Variants in PCBP3 observed in about 807,000 individuals in gnomAD.
PCBP3 encodes poly(rC)-binding protein 3.
A neutral mutation model predicts 52.7 loss-of-function variants in PCBP3; 25 were observed. The ratio of observed to expected loss-of-function variants is 0.47; its 90% CI spans 0.35 to 0.66. The LOEUF (loss-of-function observed/expected upper bound fraction) is 0.66. Among genes scored for constraint, PCBP3 ranks in the 30% least tolerant of loss-of-function variants. The pLI, the probability that PCBP3 is intolerant of heterozygous loss-of-function variation, is 0.01. For missense variants in PCBP3, 391 were observed against 490.3 expected (o/e 0.80, Z 1.91); for synonymous variants, 162 against 183.0 (o/e 0.89, Z 0.93).
intron 4 of PCBP3, among the ~76,000 whole-genome samples, chr21:45,793,692 G>T (rs945630652): frequency 3.9e-5 from 6 of 152,180 alleles, no homozygotes; most frequent in Non-Finnish European, 8.8e-5. Context: ...GACGGGAGGC[G>T]ATAGCCCCTG....
At chr21:45,854,402 C>T (rs1241457361) in intron 5 of PCBP3, among the ~76,000 whole-genome samples, 4 of 152,172 alleles carry the variant, frequency 2.6e-5, no homozygotes, top group Admixed American at 2.6e-4. Flanking sequence ...AACTGAATCT[C>T]TGTCCCCATT....
chr21:45,770,190 A>G (rs959098387), intron 4 of PCBP3, among the ~76,000 whole-genome samples: 1 of 152,228 alleles, frequency 6.6e-6, no homozygotes, highest in African/African-American at 2.4e-5. Flanking sequence ...CCTGAAGTCA[A>G]ATTAGCGAAC....
chr21:45,668,763 A>G (rs2080968516), intron 1 of PCBP3, 111 bp from the exon 2 acceptor site: 2 of 152,090 alleles, frequency 1.3e-5, no homozygotes, highest in African/African-American at 2.4e-5. Context: ...GAAAGAAGGG[A>G]TTTTTGGAAG....
intron 4 of PCBP3, among the ~76,000 whole-genome samples, chr21:45,787,518 C>T (rs2091247627): frequency 6.6e-6 from 1 of 152,152 alleles, no homozygotes; most frequent in Non-Finnish European, 1.5e-5. Flanking sequence ...TGGCCCCCCA[C>T]AGTGCTGGGA....
At chr21:45,654,412 C>G (rs1299363820) in intron 1 of PCBP3, among the ~76,000 whole-genome samples, 1 of 145,488 alleles carries the variant, frequency 6.9e-6, no homozygotes, top group Non-Finnish European at 1.5e-5. Flanking sequence ...GTGATCTCAG[C>G]TCACTGCAGC....
intron 4 of PCBP3, among the ~76,000 whole-genome samples, chr21:45,826,389 A>G (rs755715682): frequency 5.9e-5 from 9 of 152,264 alleles, no homozygotes; most frequent in Non-Finnish European, 8.8e-5. Context: ...TCTGATCCAC[A>G]TAACGCAGGT....
At chr21:45,790,119 G>A (rs542022580) in intron 4 of PCBP3, among the ~76,000 whole-genome samples, 6 of 152,200 alleles carry the variant, frequency 3.9e-5, no homozygotes, top group African/African-American at 1.4e-4. Context: ...CAGCTTGGGC[G>A]ACTGAGTGAG....
intron 1 of PCBP3, among the ~76,000 whole-genome samples, chr21:45,668,461 T>C (rs932294209): frequency 3.3e-5 from 5 of 152,218 alleles, no homozygotes; most frequent in African/African-American, 1.2e-4. Context: ...TAATAAGACT[T>C]TGAAGGAGCT....
At chr21:45,660,342 T>C (rs1436821949) in intron 1 of PCBP3, among the ~76,000 whole-genome samples, 8 of 152,158 alleles carry the variant, frequency 5.3e-5, no homozygotes, top group Non-Finnish European at 4.4e-5. Flanking sequence ...TGCTTTTAAC[T>C]TATTTGTTCG....
chr21:45,914,526 C>T (rs1173439074), intron 12 of PCBP3: 6 of 187,372 alleles, frequency 3.2e-5, no homozygotes, highest in African/African-American at 7.0e-5. Flanking sequence ...CCGCTGTGTC[C>T]GGACCTCCGT....
intron 1 of PCBP3, among the ~76,000 whole-genome samples, chr21:45,666,214 AG>A (rs960596521): frequency 6.6e-6 from 1 of 152,192 alleles, no homozygotes; most frequent in African/African-American, 2.4e-5. Flanking sequence ...GAACAAAACA[AG>A]GATGTCCATT....
At chr21:45,887,135 T>G (rs2095542696) in intron 5 of PCBP3, among the ~76,000 whole-genome samples, 1 of 152,248 alleles carries the variant, frequency 6.6e-6, no homozygotes, top group South Asian at 2.1e-4. Context: ...CTGAGAGACA[T>G]AGAGAAAGCC....
chr21:45,831,408 C>CA (rs59400163), intron 4 of PCBP3, among the ~76,000 whole-genome samples: 9,702 of 85,782 alleles, frequency 0.11, 498 homozygotes, highest in African/African-American at 0.15. Flanking sequence ...GATGCTGTCT[C>CA]AAAAAAAAAA....
At chr21:45,762,387 C>T (rs1362909366) in intron 4 of PCBP3, 1 of 152,388 alleles carries the variant, frequency 6.6e-6, no homozygotes, top group Non-Finnish European at 1.5e-5. Flanking sequence ...GGGTGTTACA[C>T]CCTGTCCCTT....
chr21:45,685,844 A>T (rs2082119013), intron 2 of PCBP3, among the ~76,000 whole-genome samples: 1 of 152,008 alleles, frequency 6.6e-6, no homozygotes, highest in Admixed American at 6.6e-5. Flanking sequence ...AATAACCAAC[A>T]CATGAGACTC....
intron 5 of PCBP3, among the ~76,000 whole-genome samples, chr21:45,866,607 C>G (rs1482579227): frequency 6.6e-6 from 1 of 152,100 alleles, no homozygotes; most frequent in Admixed American, 6.5e-5. Flanking sequence ...CCACAGATGG[C>G]CTTAGGGGAG....
intron 2 of PCBP3, among the ~76,000 whole-genome samples, chr21:45,681,058 G>A (rs902711164): frequency 3.3e-5 from 5 of 152,058 alleles, no homozygotes; most frequent in African/African-American, 1.2e-4. Context: ...GGAAGGCAGA[G>A]GGCAAAAAAG....
intron 1 of PCBP3, among the ~76,000 whole-genome samples, chr21:45,646,551 G>T (rs570610192): frequency 5.6e-4 from 85 of 152,318 alleles, no homozygotes; most frequent in African/African-American, 1.8e-3. Context: ...AGGCTGAGAA[G>T]TCTAAGGTCC....
rs929659746 is a variant in PCBP3, at chr21:45,896,190, T to C, written c.11-18T>C. Reference sequence around the variant, plus strand: ...CGTGAGACTCTTCTCTAGCAGCAGCTGTGCCTTCTCTCTCCAGGTGACGCC... The same window carrying C: ...CGTGAGACTCTTCTCTAGCAGCAGCCGTGCCTTCTCTCTCCAGGTGACGCC... On this transcript the variant is annotated intron_variant, in intron 5 of 17. Coordinates refer to ENST00000681687, the MANE Select transcript of PCBP3 (RefSeq NM_001384156.1). The C allele has an allele frequency of 1.3e-6, 2 of 1,550,392 alleles. No individual in the cohort carries two copies. The highest frequency in any genetic ancestry group is 2.4e-5 in the South Asian group (2 of 83,986).
Sources: allele counts gnomAD v4.1 joint callset (sites outside exome capture counted in the v4.1 genomes callset), GRCh38; gene constraint gnomAD v4.1.1; transcripts MANE v1.5; gene names NCBI Gene and HGNC (gene_info 2026-07-23, HGNC 2026-07-21).